The following POLK variants were observed in gnomAD, a reference collection of about 807,000 sequenced individuals.
POLK encodes the protein polymerase (DNA directed) kappa.
In POLK, 76 loss-of-function variants were observed where a neutral mutation model predicts 94.0. That is an observed-to-expected ratio of 0.81 (90% CI 0.67 to 0.98). The LOEUF (loss-of-function observed/expected upper bound fraction) is 0.98, where lower values mean the gene tolerates loss of function less well. Among genes scored for constraint, POLK ranks in the 50% least tolerant of loss-of-function variants. The probability of loss-of-function intolerance (pLI) is 0.00; values close to 1 mark genes in which losing one functional copy is unlikely to be tolerated. For synonymous variants in POLK, 349 were observed against 325.4 expected (o/e 1.07, Z -0.78); for missense variants, 954 against 1,010.1 (o/e 0.94, Z 0.75).
chr5:75,584,146 G>C (rs1178199111), intron 8 of POLK, among the ~76,000 whole-genome samples: 1 of 152,158 alleles, frequency 6.6e-6, no homozygotes, highest in African/African-American at 2.4e-5. Flanking sequence ...TCTGGGGTCA[G>C]ATACCTTTGG....
At chr5:75,549,878 T>A (rs965213547) in intron 2 of POLK, among the ~76,000 whole-genome samples, 6 of 152,040 alleles carry the variant, frequency 3.9e-5, no homozygotes, top group African/African-American at 1.4e-4. Context: ...TAAAACAAAT[T>A]CCAATAAATT....
At chr5:75,586,200 T>C (rs1772462259) in intron 9 of POLK, among the ~76,000 whole-genome samples, 1 of 152,222 alleles carries the variant, frequency 6.6e-6, no homozygotes, top group Non-Finnish European at 1.5e-5. Context: ...TAATTTATAA[T>C]AACAAATACC....
At chr5:75,579,179 G>A (rs761432981) in intron 6 of POLK, among the ~76,000 whole-genome samples, 1 of 152,120 alleles carries the variant, frequency 6.6e-6, no homozygotes, top group Non-Finnish European at 1.5e-5. Flanking sequence ...TGAGGGCAGG[G>A]TGGTAGAGGC....
At chr5:75,565,466 G>C (rs1186415626) in intron 3 of POLK, among the ~76,000 whole-genome samples, 1 of 152,094 alleles carries the variant, frequency 6.6e-6, no homozygotes, top group Admixed American at 6.5e-5. Flanking sequence ...GAGGTGTTCT[G>C]TTATTTGGAA....
At chr5:75,569,803 G>C (rs567575494) in intron 4 of POLK, among the ~76,000 whole-genome samples, 2 of 152,104 alleles carry the variant, frequency 1.3e-5, no homozygotes, top group East Asian at 3.9e-4. Context: ...CAGTATGCCC[G>C]AGCTCTGTCA....
chr5:75,524,462 A>G (rs538787290), intron 1 of POLK, among the ~76,000 whole-genome samples: 3 of 152,230 alleles, frequency 2.0e-5, no homozygotes, highest in South Asian at 4.1e-4. Flanking sequence ...CTGTTTAAAC[A>G]TGTGGAATAG....
intron 3 of POLK, among the ~76,000 whole-genome samples, chr5:75,562,640 G>A (rs1202348025): frequency 6.6e-6 from 1 of 152,202 alleles, no homozygotes; most frequent in African/African-American, 2.4e-5. Flanking sequence ...GATATTGGCT[G>A]TGGGTTTGTA....
intron 7 of POLK, 96 bp downstream of exon 7, chr5:75,581,544 T>A (rs1772193969): frequency 1.9e-6 from 2 of 1,057,918 alleles, no homozygotes; most frequent in Non-Finnish European, 2.8e-6. Flanking sequence ...AAGTATATAG[T>A]AACATTTTAC....
chr5:75,518,202 G>A (rs1768407640), intron 1 of POLK, among the ~76,000 whole-genome samples: 1 of 152,116 alleles, frequency 6.6e-6, no homozygotes, highest in Non-Finnish European at 1.5e-5. Context: ...AAGAGTTTGA[G>A]TAGAAGTGAG....
intron 11 of POLK, among the ~76,000 whole-genome samples, chr5:75,593,288 C>T (rs902954427): frequency 2.0e-5 from 3 of 151,848 alleles, no homozygotes; most frequent in South Asian, 2.1e-4. Flanking sequence ...CCTGCCATCA[C>T]GCTCAGCTAA....
At chr5:75,562,941 T>C (rs1341411691) in intron 3 of POLK, among the ~76,000 whole-genome samples, 1 of 152,200 alleles carries the variant, frequency 6.6e-6, no homozygotes, top group East Asian at 1.9e-4. Flanking sequence ...TTCGCATTGA[T>C]GTTCATCAGG....
At position 75,512,364 on chromosome 5, in the gene POLK, C is replaced by G. The variant is rs1279598936; in HGVS notation, c.-14+450C>G. On this transcript the variant is annotated intron_variant, in intron 1 of 14. Coordinates refer to ENST00000241436, the Ensembl canonical transcript of POLK. Reference sequence around the variant, plus strand: ...TTGTAGAAAGTAATTTTGAGGTTGTCAGAGAATAAATGACGTTAGAAAGGT... The same window carrying G: ...TTGTAGAAAGTAATTTTGAGGTTGTGAGAGAATAAATGACGTTAGAAAGGT... The G allele has an allele frequency of 1.3e-5, 2 of 152,152 alleles. 1 individual carries two copies. The highest frequency in any genetic ancestry group is 4.1e-4 in the South Asian group (2 of 4,844). The allele number at this position is 152,152 out of a possible 1,614,324, so 9.4% of individuals were successfully genotyped here. A position where few individuals can be genotyped will look rare whatever the true frequency, so the allele number is the denominator to read the frequency against.
intron 1 of POLK, chr5:75,512,132 A>G (rs575745122): frequency 1.2e-5 from 3 of 242,352 alleles, no homozygotes; most frequent in South Asian, 1.7e-4. Flanking sequence ...AAAGCCCGGG[A>G]GCATCTGGCC....
chr5:75,554,015 A>T (rs1030347040), intron 3 of POLK, among the ~76,000 whole-genome samples: 1 of 152,208 alleles, frequency 6.6e-6, no homozygotes, highest in Non-Finnish European at 1.5e-5. Flanking sequence ...ATTATTTTCC[A>T]TCCATATTCC....
intron 1 of POLK, among the ~76,000 whole-genome samples, chr5:75,531,415 T>C (rs184375339): frequency 1.2e-4 from 18 of 152,096 alleles, no homozygotes; most frequent in African/African-American, 4.1e-4. Flanking sequence ...ATATAATATA[T>C]AGCTATTTAC....
intron 1 of POLK, among the ~76,000 whole-genome samples, chr5:75,524,886 C>G (rs922963975): frequency 2.0e-5 from 3 of 152,186 alleles, no homozygotes; most frequent in Non-Finnish European, 2.9e-5. Flanking sequence ...AATGGAAATT[C>G]TAAATGCTGT....
chr5:75,601,147 G>A (rs1773288049), downstream of POLK: 1 of 152,032 alleles, frequency 6.6e-6, no homozygotes, highest in Admixed American at 6.5e-5. Flanking sequence ...GGCAAAAACT[G>A]CTTTCGTTAA....
the POLK span, chr5:75,609,711 T>C: frequency 6.6e-6 from 1 of 152,196 alleles, no homozygotes; most frequent in Non-Finnish European, 1.5e-5. Flanking sequence ...TTTTATCATA[T>C]CTCTATTACA....
intron 13 of POLK, chr5:75,597,520 T>C (rs1773156390): frequency 2.4e-6 from 1 of 415,660 alleles, no homozygotes; most frequent in African/African-American, 2.1e-5. Context: ...CTTTAACTTA[T>C]TTTTTGGTAG....
Sources: gnomAD v4.1 joint callset for allele counts (sites outside exome capture counted in the v4.1 genomes callset) on GRCh38, gnomAD v4.1.1 for gene constraint, MANE v1.5 for transcripts, NCBI Gene and HGNC (gene_info 2026-07-23, HGNC 2026-07-21) for gene names.